Variants in PRKD1 observed in about 807,000 individuals in gnomAD.
PRKD1 encodes the protein serine/threonine-protein kinase D1.
Under a neutral mutation model 95.9 loss-of-function variants are expected in PRKD1, and 63 were observed. That is an observed-to-expected ratio of 0.66 (90% CI 0.54 to 0.81). The LOEUF (loss-of-function observed/expected upper bound fraction) is 0.81. Ranked by LOEUF, PRKD1 falls within the 30% of genes least tolerant of loss-of-function variation. The pLI, the probability that PRKD1 is intolerant of heterozygous loss-of-function variation, is 0.00. For missense variants in PRKD1, 1,048 were observed against 1,165.3 expected, an observed-to-expected ratio of 0.90 and a Z score of 1.47; for synonymous variants, 425 against 423.1, an observed-to-expected ratio of 1.00 and a Z score of -0.05.
At chr14:29,909,141 C>T (rs557155669) in intron 1 of PRKD1, among the ~76,000 whole-genome samples, 82 of 152,294 alleles carry the variant, frequency 5.4e-4, no homozygotes, top group African/African-American at 1.9e-3. Flanking sequence ...AGCACCTGGG[C>T]CAGCAGCTGT....
At chr14:29,925,582 C>T (rs541855044) in intron 1 of PRKD1, among the ~76,000 whole-genome samples, 16 of 152,200 alleles carry the variant, frequency 1.1e-4, no homozygotes, top group Middle Eastern at 6.8e-3. Context: ...CATTTAAAAT[C>T]CCACTACCAA....
At chr14:29,612,075 G>A (rs1418613590) in intron 13 of PRKD1, among the ~76,000 whole-genome samples, 6 of 152,064 alleles carry the variant, frequency 3.9e-5, no homozygotes, top group Admixed American at 6.5e-5. Context: ...ATAATCCTTC[G>A]GATGTATTAT....
At chr14:29,778,651 A>T (rs534797905) in intron 1 of PRKD1, among the ~76,000 whole-genome samples, 2 of 152,214 alleles carry the variant, frequency 1.3e-5, no homozygotes, top group African/African-American at 4.8e-5. Flanking sequence ...AATTAATAGC[A>T]CACCATCCAA....
intron 1 of PRKD1, among the ~76,000 whole-genome samples, chr14:29,873,825 A>T (rs1893194798): frequency 6.6e-6 from 1 of 151,636 alleles, no homozygotes; most frequent in African/African-American, 2.4e-5. Context: ...TAATATATAA[A>T]TTATTTTAAT....
chr14:29,765,942 TGGGGG>T (rs1888236534), intron 1 of PRKD1, among the ~76,000 whole-genome samples: 1 of 152,122 alleles, frequency 6.6e-6, no homozygotes, highest in African/African-American at 2.4e-5. Flanking sequence ...TTTCTAGACC[TGGGGG>T]TGACTGCATG....
At chr14:29,655,722 T>G (rs977412179) in intron 4 of PRKD1, among the ~76,000 whole-genome samples, 2 of 152,076 alleles carry the variant, frequency 1.3e-5, no homozygotes, top group African/African-American at 4.8e-5. Flanking sequence ...AAACCTTTTT[T>G]AAAGGAAATT....
intron 1 of PRKD1, among the ~76,000 whole-genome samples, chr14:29,822,250 G>A (rs1890942666): frequency 6.6e-6 from 1 of 152,162 alleles, no homozygotes. Flanking sequence ...GTCACTGACA[G>A]ATCAAGTTTA....
chr14:29,791,143 C>T (rs868597617), intron 1 of PRKD1, among the ~76,000 whole-genome samples: 3 of 152,106 alleles, frequency 2.0e-5, no homozygotes, highest in Non-Finnish European at 4.4e-5. Context: ...AGAGATTTTC[C>T]CATCTAAAGA....
chr14:29,737,014 T>C (rs1387879931), intron 1 of PRKD1, among the ~76,000 whole-genome samples: 1 of 152,008 alleles, frequency 6.6e-6, no homozygotes. Context: ...AAGAGAGACA[T>C]GGCCCAATTA....
chr14:29,587,668 G>A (rs1360627227), intron 16 of PRKD1, among the ~76,000 whole-genome samples: 3 of 152,026 alleles, frequency 2.0e-5, no homozygotes, highest in Non-Finnish European at 4.4e-5. Context: ...TTTTCCTAAT[G>A]GGACATGCTT....
intron 2 of PRKD1, among the ~76,000 whole-genome samples, chr14:29,698,085 T>C (rs1347263396): frequency 6.6e-6 from 1 of 152,214 alleles, no homozygotes; most frequent in East Asian, 1.9e-4. Flanking sequence ...ACATGGAATC[T>C]GTCAATGCAT....
intron 13 of PRKD1, among the ~76,000 whole-genome samples, chr14:29,606,322 T>C (rs1277291507): frequency 6.6e-6 from 1 of 152,158 alleles, no homozygotes; most frequent in Non-Finnish European, 1.5e-5. Context: ...CAATAATGAC[T>C]TTTTTGATAA....
chr14:29,830,317 T>C (rs190654220), intron 1 of PRKD1, among the ~76,000 whole-genome samples: 324 of 152,310 alleles, frequency 2.1e-3, no homozygotes, highest in Non-Finnish European at 4.0e-3. Context: ...AGAGTGTGTA[T>C]TGAAATATGG....
intron 16 of PRKD1, among the ~76,000 whole-genome samples, chr14:29,578,601 T>C (rs146464413): frequency 1.0e-4 from 14 of 138,306 alleles, no homozygotes; most frequent in Non-Finnish European, 1.9e-4. Flanking sequence ...ATGGAAGAAG[T>C]ATTAGAGTCT....
chr14:29,624,109 G>A (rs753467904), intron 13 of PRKD1, 43 bp downstream of exon 13: 10 of 1,393,262 alleles, frequency 7.2e-6, no homozygotes, highest in Non-Finnish European at 9.9e-6. Context: ...TAAAGGATGA[G>A]GGATTTTTAT....
At chr14:29,647,974 T>C (rs1881239153) in intron 4 of PRKD1, among the ~76,000 whole-genome samples, 1 of 152,202 alleles carries the variant, frequency 6.6e-6, no homozygotes, top group African/African-American at 2.4e-5. Context: ...AGATTCAGCT[T>C]ACATCTTGGG....
intron 1 of PRKD1, among the ~76,000 whole-genome samples, chr14:29,755,322 T>C (rs1887648369): frequency 6.6e-6 from 1 of 152,184 alleles, no homozygotes; most frequent in South Asian, 2.1e-4. Flanking sequence ...TTTAAAAACA[T>C]GTACTAAATT....
chr14:29,724,469 C>A (rs1046408424), intron 2 of PRKD1, among the ~76,000 whole-genome samples: 4 of 152,104 alleles, frequency 2.6e-5, no homozygotes, highest in Non-Finnish European at 5.9e-5. Flanking sequence ...AAAATAATTA[C>A]CTTTATCTAG....
At chr14:29,831,450 T>G (rs1479097927) in intron 1 of PRKD1, among the ~76,000 whole-genome samples, 1 of 54,340 alleles carries the variant, frequency 1.8e-5, no homozygotes, top group Non-Finnish European at 6.0e-5. Context: ...GAATGTTTGG[T>G]TTTTTTTTTT....
Sources: gnomAD v4.1 joint callset for allele counts (sites outside exome capture counted in the v4.1 genomes callset) on GRCh38, gnomAD v4.1.1 for gene constraint, MANE v1.5 for transcripts, NCBI Gene and HGNC (gene_info 2026-07-23, HGNC 2026-07-21) for gene names.